MRPS6: variants seen among roughly 807,000 people sequenced by gnomAD.
MRPS6 encodes small ribosomal subunit protein bS6m.
A neutral mutation model predicts 13.1 loss-of-function variants in MRPS6; 6 were observed. The ratio of observed to expected loss-of-function variants is 0.46; its 90% CI spans 0.25 to 0.91. The LOEUF is 0.91. MRPS6 is among the 40% of genes least tolerant of loss of function. The pLI is 0.18. For missense variants in MRPS6, 164 were observed against 155.6 expected (o/e 1.05, Z -0.29); for synonymous variants, 61 against 56.5 (o/e 1.08, Z -0.36).
intron 1 of MRPS6, chr21:34,101,873 T>C (rs757861242): frequency 5.1e-5 from 51 of 1,000,038 alleles, no homozygotes; most frequent in Admixed American, 6.2e-5. Flanking sequence ...TTTCAAAAAT[T>C]AGGGAGAGAG....
At chr21:34,113,011 A>G (rs1432318864) in intron 1 of MRPS6, among the ~76,000 whole-genome samples, 1 of 148,582 alleles carries the variant, frequency 6.7e-6, no homozygotes, top group Non-Finnish European at 1.5e-5. Context: ...AAACAAATGA[A>G]CAACAACAAC....
At chr21:34,097,191 A>C in intron 1 of MRPS6, 1 of 1,614,112 alleles carries the variant, frequency 6.2e-7, no homozygotes. Context: ...TTGTGGCTTT[A>C]AAAGTAAGAG....
Position 34,096,587 on chromosome 21 carries a change from G to A in MRPS6, c.45+22842G>A, listed in dbSNP as rs372550004. ...TGTTCCTGCTGGCAATTTTCTGGAA[G>A]CGCTGCAATGAACAAGGGGCTTTCT... On this transcript the variant is annotated intron_variant, in intron 1 of 2. Transcript: ENST00000399312. The surrounding 1 kb of genome is among the most constrained non-coding windows in gnomAD (Gnocchi z 5.9). 1.7e-5 allele frequency: 27 copies of A among 1,613,978 alleles called. No homozygotes were observed. The African/African-American group carries it at 2.8e-4, about 17-fold the overall frequency.
intron 1 of MRPS6, among the ~76,000 whole-genome samples, chr21:34,116,666 A>G (rs1437832461): frequency 6.6e-6 from 1 of 152,114 alleles, no homozygotes; most frequent in Non-Finnish European, 1.5e-5. Flanking sequence ...AAGAGCAGCT[A>G]GTTGACTGCC....
chr21:34,116,815 C>G (rs868063427), intron 1 of MRPS6, among the ~76,000 whole-genome samples: 3 of 152,056 alleles, frequency 2.0e-5, no homozygotes, highest in African/African-American at 4.8e-5. Context: ...GAACCTCATG[C>G]GAGAGGATGA....
At chr21:34,114,257 T>C (rs1233945960) in intron 1 of MRPS6, among the ~76,000 whole-genome samples, 1 of 152,202 alleles carries the variant, frequency 6.6e-6, no homozygotes, top group Non-Finnish European at 1.5e-5. Context: ...TTACCACAAA[T>C]AGTCACCCAC....
chr21:34,139,287 GTAAC>G (rs1012294842), intron 2 of MRPS6, among the ~76,000 whole-genome samples: 4 of 151,804 alleles, frequency 2.6e-5, no homozygotes, highest in African/African-American at 7.3e-5. Flanking sequence ...GTATACATAT[GTAAC>G]TAACCTGCAC....
chr21:34,110,703 C>A (rs1979662660), intron 1 of MRPS6, among the ~76,000 whole-genome samples: 2 of 152,274 alleles, frequency 1.3e-5, no homozygotes, highest in African/African-American at 4.8e-5. Flanking sequence ...AGATTCCTTC[C>A]AGTGTATGGT....
chr21:34,100,972 T>C, intron 1 of MRPS6: 1 of 1,000,046 alleles, frequency 1.0e-6, no homozygotes, highest in Non-Finnish European at 1.2e-6. Flanking sequence ...TCCTGGCTCA[T>C]TTTCATCAGA....
At chr21:34,130,699 CT>C (rs1980473873) in intron 2 of MRPS6, among the ~76,000 whole-genome samples, 1 of 152,228 alleles carries the variant, frequency 6.6e-6, no homozygotes, top group Admixed American at 6.5e-5. Flanking sequence ...ATTGCTCCAG[CT>C]TTCAAACACT....
At chr21:34,103,632 T>A (rs772390092) in intron 1 of MRPS6, 2 of 1,000,122 alleles carry the variant, frequency 2.0e-6, no homozygotes, top group Non-Finnish European at 2.4e-6. Context: ...CTAATAGTAT[T>A]CTCTGTATCC....
At chr21:34,109,188 A>T (rs16991229) in intron 1 of MRPS6, among the ~76,000 whole-genome samples, 1,751 of 152,186 alleles carry the variant, frequency 0.012, 38 homozygotes, top group South Asian at 0.081. Flanking sequence ...CTCTGAAGGT[A>T]CTGTCGTCTT....
At position 34,142,650 on chromosome 21, in the gene MRPS6, AG is replaced by A; in HGVS notation, c.*51del. On this transcript the variant is annotated 3_prime_UTR_variant, in exon 3 of 3. Transcript: ENST00000399312. ...ATATGTAATTCCTTCACATTTGGGCAGCATGGACGAGAAGGAAGAATTTGCA... is the reference window on the plus strand; with the variant it reads ...ATATGTAATTCCTTCACATTTGGGCACATGGACGAGAAGGAAGAATTTGCA... 1 of 1,495,618 alleles carries A rather than the reference AG, an allele frequency of 6.7e-7. No individual in the cohort carries two copies. The highest frequency in any genetic ancestry group is 8.9e-7 in the Non-Finnish European group (1 of 1,127,370). 92.6% of individuals were successfully genotyped at this position (1,495,618 alleles called of 1,614,324 possible).
At chr21:34,075,066 A>G (rs1011068939) in intron 1 of MRPS6, among the ~76,000 whole-genome samples, 3 of 152,244 alleles carry the variant, frequency 2.0e-5, no homozygotes, top group Admixed American at 2.0e-4. Context: ...GCTTACCAGC[A>G]TATGTAACTC....
intron 1 of MRPS6, chr21:34,122,451 C>G (rs1208237851): frequency 6.6e-6 from 1 of 152,128 alleles, no homozygotes; most frequent in East Asian, 1.9e-4. Context: ...CCTTGACATA[C>G]TGAAGTCAAA....
At chr21:34,124,405 A>T (rs1980226776) in intron 1 of MRPS6, 1 of 152,002 alleles carries the variant, frequency 6.6e-6, no homozygotes, top group African/African-American at 2.4e-5. Context: ...GTGTATACAT[A>T]TGCATAGAGA....
intron 1 of MRPS6, among the ~76,000 whole-genome samples, chr21:34,080,050 T>C (rs545569025): frequency 2.0e-5 from 3 of 152,342 alleles, no homozygotes; most frequent in East Asian, 3.9e-4. Flanking sequence ...ATGTTGTTTG[T>C]TTCTTCCTTG....
At chr21:34,131,427 C>A (rs939680793) in intron 2 of MRPS6, among the ~76,000 whole-genome samples, 11 of 152,194 alleles carry the variant, frequency 7.2e-5, no homozygotes, top group African/African-American at 2.7e-4. Flanking sequence ...AGACACTGAG[C>A]CCCTTTTCTG....
chr21:34,104,180 G>A (rs1034871000), intron 1 of MRPS6: 9 of 999,896 alleles, frequency 9.0e-6, no homozygotes, highest in African/African-American at 3.5e-5. Context: ...TTTGATCTGA[G>A]TGTTCTGAGC....
Sources: gnomAD v4.1 joint callset for allele counts (sites outside exome capture counted in the v4.1 genomes callset) on GRCh38, gnomAD v4.1.1 for gene constraint, Gnocchi (gnomAD v3.1) non-coding constraint, MANE v1.5 for transcripts, NCBI Gene and HGNC (gene_info 2026-07-23, HGNC 2026-07-21) for gene names.